DACH1: variants seen among roughly 807,000 people sequenced by gnomAD.
The protein encoded by DACH1 is dachshund homolog 1.
Under a neutral mutation model 54.2 loss-of-function variants are expected in DACH1, and 12 were observed. That is an observed-to-expected ratio of 0.22 (90% CI 0.14 to 0.36). The LOEUF (loss-of-function observed/expected upper bound fraction) is 0.36. Ranked by LOEUF, DACH1 falls within the 10% of genes least tolerant of loss-of-function variation. The pLI is 1.00. For synonymous variants in DACH1, 386 were observed against 366.2 expected (o/e 1.05, Z -0.62); for missense variants, 805 against 929.8 (o/e 0.87, Z 1.75).
intron 2 of DACH1, among the ~76,000 whole-genome samples, chr13:71,631,562 C>G (rs1384073074): frequency 6.6e-6 from 1 of 152,164 alleles, no homozygotes; most frequent in Non-Finnish European, 1.5e-5. Context: ...CACTTAGCTT[C>G]TAGTTATGAA....
intron 10 of DACH1, among the ~76,000 whole-genome samples, chr13:71,441,499 T>C (rs565526569): frequency 1.3e-5 from 2 of 152,200 alleles, no homozygotes; most frequent in South Asian, 4.1e-4. Flanking sequence ...CTAAACTTTG[T>C]ATATATTTGT....
chr13:71,460,398 G>A (rs1049427965), intron 10 of DACH1, among the ~76,000 whole-genome samples: 3 of 151,984 alleles, frequency 2.0e-5, no homozygotes, highest in Non-Finnish European at 2.9e-5. Context: ...GTGAAATTAC[G>A]AGATGAGGAA....
At chr13:71,706,122 T>A (rs1269448873) in intron 1 of DACH1, among the ~76,000 whole-genome samples, 2 of 152,036 alleles carry the variant, frequency 1.3e-5, no homozygotes, top group African/African-American at 4.8e-5. Flanking sequence ...TATTTTCTAA[T>A]GCGAATGTTA....
chr13:71,663,998 C>A (rs1879672954), intron 2 of DACH1, among the ~76,000 whole-genome samples: 1 of 151,688 alleles, frequency 6.6e-6, no homozygotes, highest in African/African-American at 2.4e-5. Context: ...TTGCAAATAC[C>A]CAATGCTATT....
At chr13:71,531,247 ATTAT>A (rs1353603817) in intron 6 of DACH1, among the ~76,000 whole-genome samples, 3 of 152,066 alleles carry the variant, frequency 2.0e-5, no homozygotes, top group African/African-American at 7.2e-5. Flanking sequence ...GTCTTATTAA[ATTAT>A]TTATATTTAT....
chr13:71,536,916 T>C (rs1458773932), intron 6 of DACH1, among the ~76,000 whole-genome samples: 1 of 152,152 alleles, frequency 6.6e-6, no homozygotes, highest in African/African-American at 2.4e-5. Context: ...AGGTCTTTAA[T>C]AGCCTCTTAA....
At chr13:71,510,335 C>A (rs1880680712) in intron 6 of DACH1, among the ~76,000 whole-genome samples, 1 of 151,930 alleles carries the variant, frequency 6.6e-6, no homozygotes, top group South Asian at 2.1e-4. Context: ...TAGCTCAGAC[C>A]TTTTGCCTGA....
chr13:71,741,997 T>C (rs1283447008), intron 1 of DACH1, among the ~76,000 whole-genome samples: 2 of 152,112 alleles, frequency 1.3e-5, no homozygotes, highest in African/African-American at 4.8e-5. Context: ...TTCCCACATG[T>C]TGTGGGAAGG....
intron 7 of DACH1, among the ~76,000 whole-genome samples, chr13:71,484,544 A>G (rs996338287): frequency 6.6e-6 from 1 of 152,202 alleles, no homozygotes; most frequent in Admixed American, 6.5e-5. Flanking sequence ...GGTAGACTAT[A>G]GTGAACCAAA....
chr13:71,717,455 C>T lies in DACH1; in HGVS notation c.849-35545G>A, dbSNP rs150131285. ...AGTTCATGCCTCATTGATTAGTTTGCTAAGGTGGTGACCAGAAATGAAAAC... is the reference window on the plus strand; with the variant it reads ...AGTTCATGCCTCATTGATTAGTTTGTTAAGGTGGTGACCAGAAATGAAAAC... On this transcript the variant is annotated intron_variant, in intron 1 of 10. Transcript: ENST00000613252. Among the ~76,000 whole-genome samples the T allele has an allele frequency of 7.5e-3, 1,121 of 150,126 alleles. 14 individuals are homozygous for T. The highest frequency in any genetic ancestry group is 0.025 in the African/African-American group (1,033 of 40,768).
chr13:71,748,896 T>TCTCTCTCTCTCTCTCTC (rs1566476848), intron 1 of DACH1, among the ~76,000 whole-genome samples: 1 of 64,946 alleles, frequency 1.5e-5, no homozygotes, highest in Admixed American at 1.7e-4. Flanking sequence ...CTTTCTTTCT[T>TCTCTCTCTCTCTCTCTC]TCTCTTTCTT....
intron 10 of DACH1, among the ~76,000 whole-genome samples, chr13:71,466,143 C>T (rs536430717): frequency 6.6e-6 from 1 of 152,142 alleles, no homozygotes; most frequent in Admixed American, 6.5e-5. Flanking sequence ...TGAATTTCAC[C>T]GGTGCACTGT....
chr13:71,630,743 G>A, intron 2 of DACH1, 26 bp from the exon 3 acceptor site: 1 of 1,529,074 alleles, frequency 6.5e-7, no homozygotes, highest in Non-Finnish European at 8.7e-7. Flanking sequence ...TAAAAATGAG[G>A]TAATTCAAAT....
intron 3 of DACH1, among the ~76,000 whole-genome samples, chr13:71,588,607 AACAG>A (rs1593943642): frequency 1.3e-5 from 2 of 152,200 alleles, no homozygotes; most frequent in African/African-American, 4.8e-5. Flanking sequence ...TAAAACAAGG[AACAG>A]ACAAATGATA....
intron 4 of DACH1, among the ~76,000 whole-genome samples, chr13:71,563,888 C>A (rs1884749632): frequency 6.6e-6 from 1 of 151,696 alleles, no homozygotes; most frequent in Admixed American, 6.6e-5. Flanking sequence ...AAAAGCTTAA[C>A]TATTCAATTG....
intron 3 of DACH1, among the ~76,000 whole-genome samples, chr13:71,616,190 C>T (rs949934181): frequency 2.6e-5 from 4 of 152,120 alleles, no homozygotes; most frequent in African/African-American, 7.2e-5. Context: ...CTCTCTCTCT[C>T]CTCCCCCTTA....
chr13:71,479,278 T>C lies in DACH1; in HGVS notation c.1761A>G (p.Gln587=). ...LKVAIDNARA[Q]EKQVQLEKTE... ...TTTTTTCCAGTTGGACCTGTTTCTC[T>C]TGAGCTCTGGCATTATCTATGGCAA... The change falls in exon 8 of 11, where the codon CAA becomes CAG. Residue 587 remains glutamine, a synonymous_variant. Coordinates refer to ENST00000613252, the MANE Select transcript of DACH1 (RefSeq NM_080759.6). 2.5e-6 allele frequency: 4 copies of C among 1,613,712 alleles called. No individual in the cohort carries two copies. Among genetic ancestry groups the C allele is most frequent in the Non-Finnish European group, 3.4e-6 (4 of 1,179,826 alleles).
At chr13:71,536,530 T>A (rs983714353) in intron 6 of DACH1, among the ~76,000 whole-genome samples, 3 of 152,164 alleles carry the variant, frequency 2.0e-5, no homozygotes, top group Admixed American at 6.6e-5. Context: ...CATTTTTTCC[T>A]TATGCCTTGA....
chr13:71,819,996 G>T (rs937185220), intron 1 of DACH1, among the ~76,000 whole-genome samples: 4 of 151,244 alleles, frequency 2.6e-5, no homozygotes, highest in Non-Finnish European at 5.9e-5. Context: ...ATTGGGTGCA[G>T]TGGCTCACTC....
Sources: allele counts gnomAD v4.1 joint callset (sites outside exome capture counted in the v4.1 genomes callset), GRCh38; gene constraint gnomAD v4.1.1; transcripts MANE v1.5; gene names NCBI Gene and HGNC (gene_info 2026-07-23, HGNC 2026-07-21).